The following ZFPM2 variants were observed in gnomAD, a reference collection of about 807,000 sequenced individuals.
ZFPM2 encodes the protein zinc finger protein, FOG family member 2, also known as zinc finger protein ZFPM2.
ZFPM2 carries 20 observed loss-of-function variants against 98.6 expected under a neutral mutation model. The ratio of observed to expected loss-of-function variants is 0.20; its 90% CI spans 0.14 to 0.29. The LOEUF is 0.29. ZFPM2 is among the 10% of genes least tolerant of loss of function. The pLI is 1.00. For synonymous variants in ZFPM2, 518 were observed against 502.7 expected (o/e 1.03, Z -0.41); for missense variants, 1,310 against 1,388.6 (o/e 0.94, Z 0.90).
intron 4 of ZFPM2, among the ~76,000 whole-genome samples, chr8:105,602,899 G>A (rs540083055): frequency 1.3e-5 from 2 of 152,052 alleles, no homozygotes; most frequent in Non-Finnish European, 2.9e-5. Flanking sequence ...TCACAGACTG[G>A]ATACTTTTTA....
At chr8:105,591,949 T>C (rs1815854123) in intron 4 of ZFPM2, among the ~76,000 whole-genome samples, 1 of 152,178 alleles carries the variant, frequency 6.6e-6, no homozygotes, top group Non-Finnish European at 1.5e-5. Context: ...TGTTTGTTAA[T>C]TGTGTAAAAG....
intron 5 of ZFPM2, chr8:105,785,129 G>T (rs569214935): frequency 2.6e-5 from 4 of 152,210 alleles, no homozygotes; most frequent in Non-Finnish European, 5.9e-5. Flanking sequence ...AATGCAGAGA[G>T]CATCCATGGT....
At chr8:105,519,102 C>T (rs928375348) in intron 3 of ZFPM2, among the ~76,000 whole-genome samples, 1 of 152,056 alleles carries the variant, frequency 6.6e-6, no homozygotes, top group Non-Finnish European at 1.5e-5. Context: ...GGGATGTGTA[C>T]AAACAGCATC....
intron 5 of ZFPM2, among the ~76,000 whole-genome samples, chr8:105,748,087 T>C (rs565604562): frequency 6.6e-5 from 10 of 152,122 alleles, no homozygotes; most frequent in Non-Finnish European, 1.2e-4. Flanking sequence ...ATTGACTTTA[T>C]ATAAAATTAT....
intron 5 of ZFPM2, among the ~76,000 whole-genome samples, chr8:105,754,011 C>T (rs761203653): frequency 7.9e-5 from 12 of 152,162 alleles, no homozygotes; most frequent in African/African-American, 2.6e-4. Context: ...TGGAAGTATT[C>T]GCTGCTTAAT....
At chr8:105,768,839 G>A (rs111830979) in intron 5 of ZFPM2, among the ~76,000 whole-genome samples, 13 of 142,098 alleles carry the variant, frequency 9.1e-5, no homozygotes, top group African/African-American at 2.9e-4. Context: ...ACACACACAC[G>A]CACGCACACA....
chr8:105,356,479 T>C (rs1262225935), intron 1 of ZFPM2, among the ~76,000 whole-genome samples: 6 of 152,244 alleles, frequency 3.9e-5, no homozygotes, highest in Admixed American at 3.9e-4. Context: ...TTTATTGCTT[T>C]TTATTTTGTA....
At position 105,444,344 on chromosome 8, in the gene ZFPM2, G is replaced by T; in HGVS notation, c.264G>T (p.Gly88=). The change falls in exon 3 of 8, where the codon GGG becomes GGT. Residue 88 remains glycine (G), a synonymous_variant. Transcript: ENST00000407775. ...SDGDTQSEKP[G]QPGVETDDWD... is the part of the protein sequence containing the mutation. ...GGGACACACAGTCAGAGAAACCGGG[G>T]CAACCTGGAGTTGAGACAGACGACT... is the stretch of plus-strand genomic sequence containing the variant. The T allele has an allele frequency of 6.2e-7, 1 of 1,612,354 alleles. No individual in the cohort carries two copies. The highest frequency in any genetic ancestry group is 8.5e-7 in the Non-Finnish European group (1 of 1,179,238).
chr8:105,802,473 A>T lies in ZFPM2; in HGVS notation c.2391A>T (p.Lys797Asn). The change falls in exon 8 of 8, where the codon AAA becomes AAT. Residue 797 changes from lysine to asparagine, a missense_variant. Physicochemically the swap from Lys to Asn is moderately conservative, Grantham distance 94. Transcript: ENST00000407775. ...RCDIFPGIVS[K>N]HLETSLTINK... ...ATATCTTTCCAGGAATTGTCTCTAA[A>T]CACTTGGAAACTTCTCTGACGATCA... is the stretch of plus-strand genomic sequence containing the variant. 6.2e-7 allele frequency: 1 copy of T among 1,613,362 alleles called. No homozygotes were observed. The highest frequency in any genetic ancestry group is 1.1e-5 in the South Asian group (1 of 90,974).
chr8:105,782,651 G>T (rs1279598697), intron 5 of ZFPM2, among the ~76,000 whole-genome samples: 1 of 151,892 alleles, frequency 6.6e-6, no homozygotes, highest in African/African-American at 2.4e-5. Context: ...AACTTTATGG[G>T]TTTTTTACTT....
At chr8:105,451,005 A>G (rs1279425764) in intron 3 of ZFPM2, among the ~76,000 whole-genome samples, 4 of 152,236 alleles carry the variant, frequency 2.6e-5, no homozygotes, top group Non-Finnish European at 5.9e-5. Flanking sequence ...AGTAGGTTGG[A>G]TCACTGGAAA....
intron 3 of ZFPM2, among the ~76,000 whole-genome samples, chr8:105,461,503 A>G (rs1423701521): frequency 6.6e-6 from 1 of 152,128 alleles, no homozygotes; most frequent in Non-Finnish European, 1.5e-5. Context: ...ATTCAAATAA[A>G]AGGGCCTAAA....
chr8:105,750,000 GCAAA>G (rs377652547), intron 5 of ZFPM2, among the ~76,000 whole-genome samples: 230 of 152,126 alleles, frequency 1.5e-3, no homozygotes, highest in African/African-American at 5.3e-3. Flanking sequence ...CTCAATGACA[GCAAA>G]CAAAGAACGA....
At chr8:105,536,958 A>C (rs370713114) in intron 3 of ZFPM2, among the ~76,000 whole-genome samples, 2 of 152,204 alleles carry the variant, frequency 1.3e-5, no homozygotes, top group African/African-American at 4.8e-5. Context: ...AGGATAAAAC[A>C]GTAGGTCATC....
chr8:105,445,491 G>A (rs1454937798), intron 3 of ZFPM2, among the ~76,000 whole-genome samples: 9 of 151,888 alleles, frequency 5.9e-5, no homozygotes, highest in African/African-American at 2.2e-4. Flanking sequence ...TCTCAATGTG[G>A]GGAAAGATTC....
At chr8:105,675,288 G>A (rs1810418270) in intron 5 of ZFPM2, among the ~76,000 whole-genome samples, 1 of 152,126 alleles carries the variant, frequency 6.6e-6, no homozygotes, top group South Asian at 2.1e-4. Flanking sequence ...GGAAACTTGT[G>A]CACCCAAGCC....
chr8:105,419,208 C>G lies in ZFPM2; in HGVS notation c.105C>G (p.Ile35Met). The G allele has an allele frequency of 6.2e-7, 1 of 1,613,722 alleles. No individual in the cohort carries two copies. Among genetic ancestry groups the G allele is most frequent in the African/African-American group, 1.3e-5 (1 of 75,048 alleles). Residue 35 changes from isoleucine (I) to methionine (M), a missense_variant, in exon 2 of 8, where the codon ATC (isoleucine) becomes ATG (methionine). By Grantham distance (10) the Ile-to-Met change is conservative. Coordinates refer to ENST00000407775, the MANE Select transcript of ZFPM2 (RefSeq NM_012082.4). ...EECPSEETDI[I>M]SKGDFPLEES... The stretch of plus-strand genomic sequence containing the variant: ...GTCCATCAGAGGAAACAGACATCAT[C>G]TCCAAAGGAGACTTTCCATTGGAGG...
chr8:105,619,729 T>A (rs1472490387), intron 4 of ZFPM2, among the ~76,000 whole-genome samples: 1 of 147,922 alleles, frequency 6.8e-6, no homozygotes, highest in African/African-American at 2.5e-5. Flanking sequence ...TCCCACCCAG[T>A]GTCCAAGTGT....
At chr8:105,693,980 C>CTTTTTTTTTTTTTTTTTTTTTTT (rs376834507) in intron 5 of ZFPM2, among the ~76,000 whole-genome samples, 1 of 118,412 alleles carries the variant, frequency 8.4e-6, no homozygotes, top group African/African-American at 3.5e-5. Flanking sequence ...TTTTTCTTTT[C>CTTTTTTTTTTTTTTTTTTTTTTT]TTTTTTTTTT....
Sources: allele counts gnomAD v4.1 joint callset (sites outside exome capture counted in the v4.1 genomes callset), GRCh38; gene constraint gnomAD v4.1.1; transcripts MANE v1.5; gene names NCBI Gene and HGNC (gene_info 2026-07-23, HGNC 2026-07-21).